The following RABGEF1 variants were observed in gnomAD, a reference collection of about 807,000 sequenced individuals.
RABGEF1 encodes rab5 GDP/GTP exchange factor.
RABGEF1 carries 26 observed loss-of-function variants against 57.3 expected under a neutral mutation model. The ratio of observed to expected loss-of-function variants is 0.45; its 90% CI spans 0.33 to 0.63. The LOEUF (loss-of-function observed/expected upper bound fraction) is 0.63. Ranked by LOEUF, RABGEF1 falls within the 20% of genes least tolerant of loss-of-function variation. The pLI, the probability that RABGEF1 is intolerant of heterozygous loss-of-function variation, is 0.02. For missense variants in RABGEF1, 464 were observed against 607.6 expected (o/e 0.76, Z 2.48); for synonymous variants, 185 against 210.7 (o/e 0.88, Z 1.06).
intron 4 of RABGEF1, among the ~76,000 whole-genome samples, chr7:66,786,340 C>G (rs1406804576): frequency 6.6e-6 from 1 of 152,162 alleles, no homozygotes; most frequent in African/African-American, 2.4e-5. Context: ...ATTTTCATAC[C>G]CACTGCAGTA....
At chr7:66,740,992 G>T (rs1402107216) in intron 1 of RABGEF1, among the ~76,000 whole-genome samples, 200 bp downstream of exon 1, 1 of 152,128 alleles carries the variant, frequency 6.6e-6, no homozygotes, top group East Asian at 1.9e-4. Context: ...GTTCCAGGCC[G>T]CCCTCGGCTC....
intron 4 of RABGEF1, among the ~76,000 whole-genome samples, chr7:66,794,938 A>G (rs549440092): frequency 6.6e-6 from 1 of 152,264 alleles, no homozygotes; most frequent in African/African-American, 2.4e-5. Context: ...GTAAATTATC[A>G]AAACATGCAT....
intron 2 of RABGEF1, among the ~76,000 whole-genome samples, chr7:66,720,097 G>T (rs933230576): frequency 6.6e-6 from 1 of 151,510 alleles, no homozygotes; most frequent in Non-Finnish European, 1.5e-5. Context: ...ATTAACAGAA[G>T]AAAGGTTTAA....
intron 1 of RABGEF1, among the ~76,000 whole-genome samples, chr7:66,757,295 C>G (rs1298948314): frequency 1.6e-4 from 25 of 152,126 alleles, no homozygotes; most frequent in Admixed American, 1.6e-3. Context: ...TTCTCTGTTA[C>G]AAGAGTTCCA....
At chr7:66,802,497 T>G (rs1787516523) in intron 7 of RABGEF1, among the ~76,000 whole-genome samples, 1 of 152,232 alleles carries the variant, frequency 6.6e-6, no homozygotes, top group Non-Finnish European at 1.5e-5. Context: ...AGAGCAATTA[T>G]GCAGGGCTCT....
intron 2 of RABGEF1, among the ~76,000 whole-genome samples, chr7:66,720,054 C>G (rs1289941911): frequency 1.3e-5 from 2 of 151,446 alleles, no homozygotes; most frequent in African/African-American, 4.9e-5. Flanking sequence ...GCTTTAACAA[C>G]AAAAACAAAA....
chr7:66,694,552 C>T (rs1275529903), intron 1 of RABGEF1, among the ~76,000 whole-genome samples: 2 of 152,234 alleles, frequency 1.3e-5, no homozygotes, highest in African/African-American at 2.4e-5. Flanking sequence ...GTCAGGTTTG[C>T]ATGAGAAGGA....
At chr7:66,686,377 T>C (rs557692358) in intron 1 of RABGEF1, among the ~76,000 whole-genome samples, 27 of 151,302 alleles carry the variant, frequency 1.8e-4, no homozygotes, top group Admixed American at 3.3e-4. Flanking sequence ...GAGGCCAAAG[T>C]GGGAGGATCG....
chr7:66,741,135 G>C (rs1384307840), intron 1 of RABGEF1, among the ~76,000 whole-genome samples: 1 of 152,170 alleles, frequency 6.6e-6, no homozygotes, highest in Non-Finnish European at 1.5e-5. Context: ...CCTCGCCCCG[G>C]CTCCCACCTT....
intron 1 of RABGEF1, among the ~76,000 whole-genome samples, chr7:66,711,029 G>C (rs908209684): frequency 6.6e-6 from 1 of 152,064 alleles, no homozygotes; most frequent in Non-Finnish European, 1.5e-5. Flanking sequence ...GTATGATGGC[G>C]TGTACCTGTA....
At chr7:66,783,867 A>G (rs1226504805) in intron 4 of RABGEF1, 26 bp downstream of exon 4, 4 of 1,599,950 alleles carry the variant, frequency 2.5e-6, no homozygotes, top group Non-Finnish European at 3.4e-6. Context: ...CCACGTAGAA[A>G]CATAGAGTTT....
In RABGEF1 at chr7:66,809,168, G is replaced by C. The variant is rs749603235; in HGVS notation, c.1360G>C (p.Glu454Gln). Reference sequence around the variant, plus strand: ...TGCAAGAGAAGTTCAAGACATCGTTGAGAAATACCCACTGGAAATTAAGCC... The same window carrying C: ...TGCAAGAGAAGTTCAAGACATCGTTCAGAAATACCCACTGGAAATTAAGCC... ...GIAREVQDIV[E>Q]KYPLEIKPPN... The change falls in exon 9 of 9, where the codon GAG (glutamate) becomes CAG (glutamine). Residue 454 changes from glutamate (E) to glutamine (Q), a missense_variant. Around this residue, in one of 4 missense-constraint regions of RABGEF1, gnomAD observed 151 missense variants for 152.2 expected, o/e 0.99. Coordinates refer to ENST00000284957, the MANE Select transcript of RABGEF1 (RefSeq NM_014504.3). 6.2e-7 allele frequency: 1 copy of C among 1,614,214 alleles called. No individual in the cohort carries two copies. The highest frequency in any genetic ancestry group is 1.7e-5 in the Admixed American group (1 of 60,020).
At chr7:66,803,984 A>G (rs1385530484) in intron 7 of RABGEF1, among the ~76,000 whole-genome samples, 1 of 152,098 alleles carries the variant, frequency 6.6e-6, no homozygotes, top group South Asian at 2.1e-4. Context: ...CCCCTCTGCC[A>G]ATCAGCAGGT....
chr7:66,703,722 G>A (rs1793625437), intron 1 of RABGEF1, among the ~76,000 whole-genome samples: 1 of 152,084 alleles, frequency 6.6e-6, no homozygotes, highest in Non-Finnish European at 1.5e-5. Context: ...TTTTGAAATT[G>A]GGAAATTTGA....
intron 1 of RABGEF1, among the ~76,000 whole-genome samples, chr7:66,741,208 C>T (rs1447977656): frequency 6.6e-6 from 1 of 152,206 alleles, no homozygotes; most frequent in East Asian, 1.9e-4. Context: ...CCACAACCTC[C>T]CCGGAAAGCG....
At chr7:66,747,001 C>G (rs1351687829) in intron 1 of RABGEF1, among the ~76,000 whole-genome samples, 1 of 151,912 alleles carries the variant, frequency 6.6e-6, no homozygotes, top group Non-Finnish European at 1.5e-5. Flanking sequence ...ACCATGTTGG[C>G]CAGGCTGGTC....
Position 66,811,098 on chromosome 7 carries a change from C to T in RABGEF1, c.*1814C>T, listed in dbSNP as rs563817917. On this transcript the variant is annotated 3_prime_UTR_variant, in exon 9 of 9. Transcript: ENST00000284957. ...TTCTATGTGCTTTTAGGTGTGAATCCAGATATGCGGTCTTAATTCCTTTGG... is the reference window on the plus strand; with the variant it reads ...TTCTATGTGCTTTTAGGTGTGAATCTAGATATGCGGTCTTAATTCCTTTGG... The T allele has an allele frequency of 6.6e-6, 1 of 152,282 alleles. No homozygotes were observed. The highest frequency in any genetic ancestry group is 6.5e-5 in the Admixed American group (1 of 15,300). The allele number at this position is 152,282 out of a possible 1,614,324, so 9.4% of individuals were successfully genotyped here.
At chr7:66,721,021 G>A (rs1433048826) in intron 2 of RABGEF1, among the ~76,000 whole-genome samples, 1 of 152,102 alleles carries the variant, frequency 6.6e-6, no homozygotes, top group Non-Finnish European at 1.5e-5. Flanking sequence ...AGGTTCAAGT[G>A]ATTCTCCTGC....
intron 1 of RABGEF1, among the ~76,000 whole-genome samples, chr7:66,768,095 A>C (rs1223790549): frequency 7.9e-5 from 12 of 152,224 alleles, no homozygotes; most frequent in Non-Finnish European, 1.5e-4. Flanking sequence ...AATTTTGTAA[A>C]TAGCAATTTT....
Sources: gnomAD v4.1 joint callset for allele counts (sites outside exome capture counted in the v4.1 genomes callset) on GRCh38, gnomAD v4.1.1 for gene constraint, gnomAD v4.1.1 regional missense constraint, MANE v1.5 for transcripts, NCBI Gene and HGNC (gene_info 2026-07-23, HGNC 2026-07-21) for gene names.